NADSYN1: variants seen among roughly 807,000 people sequenced by gnomAD.
NADSYN1 encodes the protein glutamine-dependent NAD(+) synthetase.
Under a neutral mutation model 99.3 loss-of-function variants are expected in NADSYN1, and 80 were observed. The ratio of observed to expected loss-of-function variants is 0.81; its 90% confidence interval spans 0.67 to 0.97. NADSYN1 has a LOEUF of 0.97. NADSYN1 is among the 50% of genes least tolerant of loss of function. NADSYN1 has a pLI of 0.00. For missense variants in NADSYN1, 859 were observed against 948.5 expected (o/e 0.91, Z 1.24); for synonymous variants, 385 against 372.1 (o/e 1.03, Z -0.40).
At chr11:71,464,768 G>A (rs1396685133) in intron 5 of NADSYN1, among the ~76,000 whole-genome samples, 1 of 150,614 alleles carries the variant, frequency 6.6e-6, no homozygotes, top group Non-Finnish European at 1.5e-5. Flanking sequence ...TCGGGAGGCT[G>A]AGGCAGGAGA....
chr11:71,479,256 T>A (rs1294378589), intron 10 of NADSYN1: 5 of 150,232 alleles, frequency 3.3e-5, no homozygotes, highest in Non-Finnish European at 1.5e-5. Flanking sequence ...ATTTTTGATT[T>A]TTTTTAATTT....
rs990488223 is a variant in NADSYN1 at position 71,501,734 on chromosome 11, G to C, written c.*382G>C. The C allele has an allele frequency of 4.2e-6, 1 of 236,826 alleles. No homozygotes were observed. Among genetic ancestry groups the C allele is most frequent in the Non-Finnish European group, 8.4e-6 (1 of 119,698 alleles). The allele number at this position is 236,826 out of a possible 1,614,324, so 14.7% of individuals were successfully genotyped here. ...CATGAGCAGAAAATGAAGGAGAGAA[G>C]ACCTTCTCTCCCACCCACACACACC... is the stretch of plus-strand genomic sequence containing the variant. On this transcript the variant is annotated 3_prime_UTR_variant, in exon 21 of 21. Transcript: ENST00000319023.
chr11:71,475,599 T>C (rs546996258), intron 9 of NADSYN1: 1 of 175,368 alleles, frequency 5.7e-6, no homozygotes, highest in South Asian at 1.3e-4. Flanking sequence ...AAGATGCGCA[T>C]TAGCACAGGG....
At chr11:71,488,162 G>T (rs1169943430) in intron 16 of NADSYN1, among the ~76,000 whole-genome samples, 1 of 152,180 alleles carries the variant, frequency 6.6e-6, no homozygotes, top group African/African-American at 2.4e-5. Context: ...TCAGGGGCCT[G>T]TTGGACACCT....
At chr11:71,471,773 C>T (rs145569310) in intron 5 of NADSYN1, among the ~76,000 whole-genome samples, 52 of 152,272 alleles carry the variant, frequency 3.4e-4, no homozygotes, top group African/African-American at 1.2e-3. Flanking sequence ...GTTTCTCAAC[C>T]TTTAACATTT....
At chr11:71,474,274 G>A (rs750888466) in intron 8 of NADSYN1, 121 bp from the exon 9 acceptor site, 17 of 1,297,280 alleles carry the variant, frequency 1.3e-5, no homozygotes, top group South Asian at 4.0e-5. Flanking sequence ...TTATCTCTGC[G>A]GTGGTGGGAC....
At chr11:71,464,264 A>ACC in intron 5 of NADSYN1, 122 bp downstream of exon 5, 1 of 751,234 alleles carries the variant, frequency 1.3e-6, no homozygotes, top group African/African-American at 1.8e-5. Flanking sequence ...CATTTTGAAC[A>ACC]AAGAATGGGA....
intron 3 of NADSYN1, 36 bp from the exon 4 acceptor site, chr11:71,463,396 G>A (rs765495178): frequency 5.7e-6 from 9 of 1,587,318 alleles, no homozygotes; most frequent in South Asian, 2.2e-5. Flanking sequence ...TTTCATAACC[G>A]GGCAGACACA....
intron 16 of NADSYN1, among the ~76,000 whole-genome samples, chr11:71,489,776 A>T (rs1949767280): frequency 6.6e-6 from 1 of 152,132 alleles, no homozygotes. Flanking sequence ...GAAGGCACGG[A>T]GGTGTGAGTT....
intron 12 of NADSYN1, chr11:71,481,660 T>A: frequency 1.7e-6 from 1 of 602,858 alleles, no homozygotes; most frequent in Non-Finnish European, 2.9e-6. Context: ...CTCACCATCT[T>A]GCCAGCATTG....
chr11:71,478,605 C>A, intron 10 of NADSYN1, 136 bp downstream of exon 10: 4 of 765,308 alleles, frequency 5.2e-6, no homozygotes, highest in Admixed American at 2.2e-5. Flanking sequence ...ACTTCCCGAG[C>A]GTGGAAAGGG....
rs182986239 is a variant in NADSYN1, at chr11:71,490,149, G to A, written c.1563-696G>A. On this transcript the variant is annotated intron_variant, in intron 16 of 20. Coordinates refer to ENST00000319023, the MANE Select transcript of NADSYN1 (RefSeq NM_018161.5). The stretch of plus-strand genomic sequence containing the variant: ...AGACCCTGGAGAGAATCTGTTTCCC[G>A]CCATTTCCAGCCTCTGGAGTCCCGC... Among the ~76,000 whole-genome samples, 1,190 of 152,216 alleles carry A rather than the reference G, an allele frequency of 7.8e-3. 12 individuals are homozygous for A. Among genetic ancestry groups the A allele is most frequent in the South Asian group, 0.041 (198 of 4,824 alleles).
At chr11:71,499,543 T>C (rs567227528) in intron 20 of NADSYN1, 20 of 152,334 alleles carry the variant, frequency 1.3e-4, no homozygotes, top group Non-Finnish European at 2.4e-4. Context: ...GATGGCGTCA[T>C]GGCTTCCAAC....
chr11:71,480,633 C>A, intron 10 of NADSYN1, 122 bp from the exon 11 acceptor site: 1 of 1,445,148 alleles, frequency 6.9e-7, no homozygotes, highest in Non-Finnish European at 9.5e-7. Flanking sequence ...GTGAGGGTGG[C>A]CTCACTGTGG....
intron 16 of NADSYN1, among the ~76,000 whole-genome samples, chr11:71,487,874 C>T (rs372131876): frequency 4.0e-5 from 6 of 149,186 alleles, no homozygotes; most frequent in South Asian, 2.1e-4. Flanking sequence ...AATAAGCAAA[C>T]GTAAACGTAA....
intron 16 of NADSYN1, among the ~76,000 whole-genome samples, chr11:71,490,496 C>T (rs1487641733): frequency 3.9e-5 from 6 of 152,162 alleles, no homozygotes; most frequent in African/African-American, 9.7e-5. Flanking sequence ...GAGGGGCCCG[C>T]GGCCGCCCGG....
intron 2 of NADSYN1, among the ~76,000 whole-genome samples, chr11:71,458,004 CA>C (rs1949524521): frequency 1.3e-5 from 2 of 152,192 alleles, no homozygotes; most frequent in African/African-American, 4.8e-5. Context: ...GCAAGAAACA[CA>C]GGGGCAGCTT....
intron 2 of NADSYN1, among the ~76,000 whole-genome samples, chr11:71,457,052 G>T (rs1431475603): frequency 1.3e-5 from 2 of 152,260 alleles, no homozygotes; most frequent in East Asian, 3.8e-4. Context: ...ATGGCCCCAG[G>T]ACCAGCTCCT....
At chr11:71,482,707 C>T (rs7950697) in intron 13 of NADSYN1, 142 bp from the exon 14 acceptor site, 14,498 of 653,496 alleles carry the variant, frequency 0.022, 365 homozygotes, top group South Asian at 0.052. Flanking sequence ...GGGTGTAGAC[C>T]GGGGTGGAGC....
Sources: gnomAD v4.1 joint callset for allele counts (sites outside exome capture counted in the v4.1 genomes callset) on GRCh38, gnomAD v4.1.1 for gene constraint, MANE v1.5 for transcripts, NCBI Gene and HGNC (gene_info 2026-07-23, HGNC 2026-07-21) for gene names.